Variants in GUCY2C observed in about 807,000 individuals in gnomAD.
GUCY2C encodes the protein guanylyl cyclase C.
GUCY2C carries 118 observed loss-of-function variants against 131.1 expected under a neutral mutation model. The observed-to-expected ratio is 0.90, with a 90% CI of 0.78 to 1.05. The LOEUF is 1.05. GUCY2C is among the 50% of genes least tolerant of loss of function. The pLI, the probability that GUCY2C is intolerant of heterozygous loss-of-function variation, is 0.00. For synonymous variants in GUCY2C, 452 were observed against 457.8 expected (o/e 0.99, Z 0.16); for missense variants, 1,161 against 1,304.4 (o/e 0.89, Z 1.69).
intron 19 of GUCY2C, among the ~76,000 whole-genome samples, chr12:14,635,782 A>C (rs559257168): frequency 9.8e-5 from 15 of 152,328 alleles, no homozygotes; most frequent in Non-Finnish European, 1.9e-4. Context: ...CATAAAAACC[A>C]ATTGCACAAA....
chr12:14,627,548 T>TA (rs1321246101), intron 20 of GUCY2C, among the ~76,000 whole-genome samples: 1 of 152,198 alleles, frequency 6.6e-6, no homozygotes, highest in Non-Finnish European at 1.5e-5. Context: ...TGGGAGCTAT[T>TA]AAAAATCCTG....
At position 14,676,909 on chromosome 12, in the gene GUCY2C, G is replaced by A. The variant is rs148946391; in HGVS notation, c.893C>T (p.Thr298Met). The A allele has an allele frequency of 6.7e-4, 1,049 of 1,573,482 alleles. 1 individual carries two copies. The highest frequency in any genetic ancestry group is 2.1e-3 in the Admixed American group (127 of 59,104). Reference protein sequence around the residue: ...PDYMKNVLVLTLSPGNSLLNS... With the variant: ...PDYMKNVLVLMLSPGNSLLNS... ...TAGAAGGGAATTCCCAGGAGACAGC[G>A]TCAGAACAAGGACATTTTTCATATA... is the stretch of plus-strand genomic sequence containing the variant. Residue 298 changes from threonine to methionine, a missense_variant, in exon 7 of 27, where the codon ACG becomes ATG. By Grantham distance (81) the Thr-to-Met change is moderately conservative. Transcript: ENST00000261170.
Position 14,612,960 on chromosome 12 carries a change from A to G in GUCY2C, c.*157T>C, listed in dbSNP as rs1946679132. The G allele has an allele frequency of 8.0e-6, 5 of 625,136 alleles. No homozygotes were observed. The highest frequency in any genetic ancestry group is 8.6e-6 in the Non-Finnish European group (3 of 348,048). The allele number at this position is 625,136 out of a possible 1,614,324, so 38.7% of individuals were successfully genotyped here. ...TTCACTGAGAACACACATCTGATTC[A>G]TGCAAGAAAGTCCATGTTCCAGACA... On this transcript the variant is annotated 3_prime_UTR_variant, in exon 27 of 27. Coordinates refer to ENST00000261170, the MANE Select transcript of GUCY2C (RefSeq NM_004963.4).
chr12:14,614,192 C>T (rs944506690), intron 26 of GUCY2C, among the ~76,000 whole-genome samples: 3 of 152,108 alleles, frequency 2.0e-5, no homozygotes, highest in East Asian at 1.9e-4. Flanking sequence ...TGGAACACAA[C>T]GCTAGCTTTG....
At position 14,696,236 on chromosome 12, in the gene GUCY2C, A is replaced by G; in HGVS notation, c.213T>C (p.Asn71=). ...GLEIVRGRLQ[N]AGLNVTVNAT... is the part of the protein sequence containing the mutation. ...ATTCTATTAACATTTTCTTACCAGC[A>G]TTTTGCAGACGTCCTCTCACTATTT... Residue 71 remains asparagine (N), a synonymous_variant, in exon 1 of 27, where the codon AAT becomes AAC. Transcript: ENST00000261170. The G allele has an allele frequency of 3.1e-6, 5 of 1,612,260 alleles. No homozygotes were observed. The highest frequency in any genetic ancestry group is 1.3e-5 in the African/African-American group (1 of 75,010).
At chr12:14,663,099 A>G (rs1947903071) in intron 10 of GUCY2C, among the ~76,000 whole-genome samples, 1 of 152,258 alleles carries the variant, frequency 6.6e-6, no homozygotes, top group South Asian at 2.1e-4. Context: ...GTATCAATAC[A>G]AAAAATTAAT....
At chr12:14,634,026 T>C (rs7966186) in intron 19 of GUCY2C, among the ~76,000 whole-genome samples, 1,544 of 152,282 alleles carry the variant, frequency 0.01, 39 homozygotes, top group African/African-American at 0.036. Context: ...GACATTCAGA[T>C]ACAGGAAACT....
Position 14,669,772 on chromosome 12 carries a change from G to T in GUCY2C, c.1232C>A (p.Pro411His). The change falls in exon 10 of 27, where the codon CCC becomes CAC. Residue 411 changes from proline to histidine, a missense_variant. Pro to His is a moderately conservative substitution (Grantham distance 77, BLOSUM62 -2). Transcript: ENST00000261170. ...VNKTYPVDMS[P>H]TFTWKNSKLP... ...TTTAGAGTTCTTCCAAGTGAATGTGGGGCTCATATCCACAGGATAGGTCTT... is the reference window on the plus strand; with the variant it reads ...TTTAGAGTTCTTCCAAGTGAATGTGTGGCTCATATCCACAGGATAGGTCTT... 6.2e-7 allele frequency: 1 copy of T among 1,607,272 alleles called. No individual in the cohort carries two copies. Among genetic ancestry groups the T allele is most frequent in the Middle Eastern group, 1.7e-4 (1 of 6,044 alleles).
At chr12:14,656,484 A>G in intron 12 of GUCY2C, 28 bp downstream of exon 12, 1 of 1,134,996 alleles carries the variant, frequency 8.8e-7, no homozygotes, top group South Asian at 1.3e-5. Flanking sequence ...AATTGAACCC[A>G]TTCTTCAACA....
At chr12:14,673,962 G>C (rs1220452121) in intron 8 of GUCY2C, among the ~76,000 whole-genome samples, 1 of 152,186 alleles carries the variant, frequency 6.6e-6, no homozygotes, top group Non-Finnish European at 1.5e-5. Context: ...GAAGCCTACA[G>C]AGAAAGTCAC....
At chr12:14,627,778 A>G (rs999378213) in intron 20 of GUCY2C, among the ~76,000 whole-genome samples, 1 of 152,212 alleles carries the variant, frequency 6.6e-6, no homozygotes, top group Non-Finnish European at 1.5e-5. Flanking sequence ...GGAGAAAAAA[A>G]AAGGGCTAGA....
At chr12:14,641,977 T>C (rs527832068) in intron 17 of GUCY2C, among the ~76,000 whole-genome samples, 1 of 152,164 alleles carries the variant, frequency 6.6e-6, no homozygotes, top group East Asian at 1.9e-4. Context: ...AAATTTATTT[T>C]ATTTAAATTA....
At chr12:14,653,880 A>T (rs1471217718) in intron 12 of GUCY2C, among the ~76,000 whole-genome samples, 3 of 152,242 alleles carry the variant, frequency 2.0e-5, no homozygotes, top group African/African-American at 7.2e-5. Context: ...TAACAAATTA[A>T]GTATAGAAGG....
rs751384741 is a variant in GUCY2C at position 14,686,143 on chromosome 12, C to G, written c.395+18G>C. The G allele has an allele frequency of 1.5e-5, 22 of 1,465,772 alleles. No homozygotes were observed. The highest frequency in any genetic ancestry group is 2.0e-5 in the Non-Finnish European group (21 of 1,045,118). The allele number at this position is 1,465,772 out of a possible 1,614,324, so 90.8% of individuals were successfully genotyped here. On this transcript the variant is annotated intron_variant, in intron 3 of 26. Transcript: ENST00000261170. The stretch of plus-strand genomic sequence containing the variant: ...GCAATATCATGTCCTGACTTCAGTT[C>G]ACAGTAGTATTACTTACTACATCTG...
At chr12:14,674,804 A>C in intron 7 of GUCY2C, 44 bp from the exon 8 acceptor site, 1 of 1,485,762 alleles carries the variant, frequency 6.7e-7, no homozygotes, top group Non-Finnish European at 9.2e-7. Flanking sequence ...TTCAAAAAAG[A>C]ATCTTGTCTT....
At chr12:14,619,354 G>A in intron 23 of GUCY2C, 45 bp from the exon 24 acceptor site, 5 of 1,212,574 alleles carry the variant, frequency 4.1e-6, no homozygotes, top group Non-Finnish European at 6.1e-6. Flanking sequence ...AATAGAAATT[G>A]CAGAGTAGAG....
intron 8 of GUCY2C, 69 bp from the exon 9 acceptor site, chr12:14,673,027 CAG>C (rs1948149454): frequency 2.3e-6 from 2 of 878,470 alleles, no homozygotes; most frequent in South Asian, 1.3e-5. Context: ...TGGATCATGA[CAG>C]AGAGTGTAAA....
chr12:14,656,360 G>T, intron 12 of GUCY2C, 152 bp downstream of exon 12: 1 of 578,314 alleles, frequency 1.7e-6, no homozygotes, highest in South Asian at 2.7e-5. Context: ...GGAGAATCAA[G>T]GGGAAGGGAG....
intron 25 of GUCY2C, 39 bp from the exon 26 acceptor site, chr12:14,614,982 G>A (rs770651016): frequency 2.6e-6 from 3 of 1,143,424 alleles, no homozygotes; most frequent in South Asian, 2.8e-5. Context: ...GGAGTCCAAG[G>A]AGTCAGTTCA....
Sources: allele counts gnomAD v4.1 joint callset (sites outside exome capture counted in the v4.1 genomes callset), GRCh38; gene constraint gnomAD v4.1.1; transcripts MANE v1.5; gene names NCBI Gene and HGNC (gene_info 2026-07-23, HGNC 2026-07-21).